THRAP3: variants seen among roughly 807,000 people sequenced by gnomAD.
The protein encoded by THRAP3 is thyroid hormone receptor associated protein 3, also known as thyroid hormone receptor-associated protein 3.
Under a neutral mutation model 101.0 loss-of-function variants are expected in THRAP3, and 16 were observed. The observed-to-expected ratio is 0.16, with a 90% confidence interval of 0.11 to 0.24. The LOEUF is 0.24. Ranked by LOEUF, THRAP3 falls within the 10% of genes least tolerant of loss-of-function variation. THRAP3 has a pLI of 1.00. For missense variants in THRAP3, 989 were observed against 1,202.7 expected, an observed-to-expected ratio of 0.82 and a Z score of 2.63; for synonymous variants, 407 against 422.6, an observed-to-expected ratio of 0.96 and a Z score of 0.45.
At position 36,244,405 on chromosome 1, in the gene THRAP3, T is replaced by TGC. The variant is rs560371887; in HGVS notation, c.-134-14976_-134-14975dup. Among the ~76,000 whole-genome samples the TGC allele has an allele frequency of 4.3e-4, 65 of 152,330 alleles. 2 individuals are homozygous for TGC. The South Asian group carries it at 0.012, about 28-fold the overall frequency. The stretch of plus-strand genomic sequence containing the variant: ...AGAAAAAGTCTTCAAAGGTTGAATG[T>TGC]GCCTTCATGGATTCTCCAGCATGAG... On this transcript the variant is annotated intron_variant, in intron 1 of 11. Coordinates refer to ENST00000354618, the MANE Select transcript of THRAP3 (RefSeq NM_005119.4).
Position 36,257,470 on chromosome 1 carries a change from T to A in THRAP3, c.-134-1912T>A, listed in dbSNP as rs116720982. Among the ~76,000 whole-genome samples the A allele has an allele frequency of 6.0e-3, 915 of 152,290 alleles. 8 individuals are homozygous for A. Among genetic ancestry groups the A allele is most frequent in the African/African-American group, 0.021 (880 of 41,552 alleles). On this transcript the variant is annotated intron_variant, in intron 1 of 11. Transcript: ENST00000354618. ...AGGGTCTATTGTGGAGTCTCCTTGC[T>A]AATACACTGCTGTTTGGCCAAAGGA...
chr1:36,274,122 G>A (rs959747821), intron 2 of THRAP3, among the ~76,000 whole-genome samples: 9 of 149,534 alleles, frequency 6.0e-5, no homozygotes, highest in Non-Finnish European at 1.0e-4. Context: ...AAAATGAGCT[G>A]TATTTCTATA....
At chr1:36,264,531 A>C (rs1213892524) in intron 2 of THRAP3, among the ~76,000 whole-genome samples, 1 of 152,226 alleles carries the variant, frequency 6.6e-6, no homozygotes, top group Non-Finnish European at 1.5e-5. Context: ...GCATTTTAGA[A>C]TGATAATTTG....
chr1:36,287,385 C>A, intron 4 of THRAP3, 115 bp downstream of exon 4: 1 of 1,395,882 alleles, frequency 7.2e-7, no homozygotes, highest in Non-Finnish European at 9.4e-7. Flanking sequence ...TCCCTATTTC[C>A]TAGACTTTTC....
At chr1:36,208,882 G>C in the THRAP3 span, among the ~76,000 whole-genome samples, 1 of 151,050 alleles carries the variant, frequency 6.6e-6, no homozygotes, top group Non-Finnish European at 1.5e-5. Flanking sequence ...GGCCAGGCTG[G>C]TCTTGAACTC....
At chr1:36,294,579 T>G (rs1004221531) in intron 8 of THRAP3, among the ~76,000 whole-genome samples, 2 of 152,246 alleles carry the variant, frequency 1.3e-5, no homozygotes, top group African/African-American at 2.4e-5. Context: ...CATTCACATA[T>G]ACAGTTGAAA....
At position 36,259,478 on chromosome 1, in the gene THRAP3, A is replaced by G; in HGVS notation, c.-38A>G. On this transcript the variant is annotated 5_prime_UTR_variant, in exon 2 of 12. Transcript: ENST00000354618. ...TCCAGTACGAGTTGAATCATTGTTC[A>G]AATAAGGTAAAAGCATGGTGGTAAA... 1 of 398,608 alleles carries G rather than the reference A, an allele frequency of 2.5e-6. No individual in the cohort carries two copies. The highest frequency in any genetic ancestry group is 4.4e-6 in the Non-Finnish European group (1 of 226,060). 24.7% of individuals were successfully genotyped at this position (398,608 alleles called of 1,614,324 possible). A position where few individuals can be genotyped will look rare whatever the true frequency, so the allele number is the denominator to read the frequency against.
the THRAP3 span, among the ~76,000 whole-genome samples, chr1:36,208,081 C>T: frequency 6.6e-6 from 1 of 152,204 alleles, no homozygotes; most frequent in African/African-American, 2.4e-5. Flanking sequence ...GCATGAGCCA[C>T]CGCAGCCAGC....
chr1:36,255,560 G>C (rs1645362301), intron 1 of THRAP3, among the ~76,000 whole-genome samples: 1 of 152,052 alleles, frequency 6.6e-6, no homozygotes, highest in Non-Finnish European at 1.5e-5. Context: ...TTTGAGGTCA[G>C]GAGCTTGAGA....
intron 7 of THRAP3, among the ~76,000 whole-genome samples, chr1:36,293,419 G>T (rs976696699): frequency 6.6e-6 from 1 of 152,168 alleles, no homozygotes; most frequent in Non-Finnish European, 1.5e-5. Flanking sequence ...AATTTGCCTG[G>T]GGGCTAGAGG....
chr1:36,210,287 A>C, the THRAP3 span, among the ~76,000 whole-genome samples: 2 of 147,230 alleles, frequency 1.4e-5, no homozygotes, highest in Non-Finnish European at 3.0e-5. Flanking sequence ...AATCACTTGA[A>C]CCCGGGAGGC....
chr1:36,295,240 A>G (rs1480035440), intron 8 of THRAP3, among the ~76,000 whole-genome samples: 1 of 151,990 alleles, frequency 6.6e-6, no homozygotes, highest in South Asian at 2.1e-4. Flanking sequence ...AAAAAAGGAA[A>G]AAAAAAAAAA....
intron 1 of THRAP3, among the ~76,000 whole-genome samples, chr1:36,230,282 C>A (rs1645013580): frequency 6.6e-6 from 1 of 151,882 alleles, no homozygotes; most frequent in Non-Finnish European, 1.5e-5. Flanking sequence ...CCATGCCCGG[C>A]TAATTTTGTA....
the THRAP3 span, among the ~76,000 whole-genome samples, chr1:36,213,917 AAGAAAG>A: frequency 2.9e-5 from 3 of 104,544 alleles, no homozygotes; most frequent in African/African-American, 1.6e-4. Context: ...AAGAGAAAGA[AAGAAAG>A]AAAGAAAGAA....
chr1:36,237,468 C>CAA (rs1222944821), intron 1 of THRAP3, among the ~76,000 whole-genome samples: 109 of 50,868 alleles, frequency 2.1e-3, no homozygotes, highest in Middle Eastern at 0.012. Context: ...AACTTCATCT[C>CAA]AAAAAAAAAA....
At chr1:36,287,529 C>T (rs1362359653) in intron 4 of THRAP3, 2 of 985,264 alleles carry the variant, frequency 2.0e-6, no homozygotes, top group Admixed American at 6.2e-5. Flanking sequence ...TTAAAATTTG[C>T]CTTGGATTCT....
At chr1:36,237,995 A>C (rs1405019882) in intron 1 of THRAP3, among the ~76,000 whole-genome samples, 1 of 151,924 alleles carries the variant, frequency 6.6e-6, no homozygotes, top group Non-Finnish European at 1.5e-5. Flanking sequence ...TGATTTAGCA[A>C]AATTTTTTTT....
the THRAP3 span, among the ~76,000 whole-genome samples, chr1:36,215,217 C>CA: frequency 5.1e-4 from 76 of 148,692 alleles, no homozygotes; most frequent in Middle Eastern, 3.4e-3. Context: ...GAGCGAGACT[C>CA]AAAAAAAAAC....
the THRAP3 span, among the ~76,000 whole-genome samples, chr1:36,208,895 G>A: frequency 6.7e-6 from 1 of 149,978 alleles, no homozygotes; most frequent in African/African-American, 2.5e-5. Context: ...TTGAACTCCT[G>A]AGTGCAAGTG....
Sources: gnomAD v4.1 joint callset for allele counts (sites outside exome capture counted in the v4.1 genomes callset) on GRCh38, gnomAD v4.1.1 for gene constraint, MANE v1.5 for transcripts, NCBI Gene and HGNC (gene_info 2026-07-23, HGNC 2026-07-21) for gene names.